The following PIEZO2 variants were observed in gnomAD, a reference collection of about 807,000 sequenced individuals.
PIEZO2 encodes the protein piezo-type mechanosensitive ion channel component 2.
Under a neutral mutation model 337.3 loss-of-function variants are expected in PIEZO2, and 172 were observed. That is an observed-to-expected ratio of 0.51 (90% CI 0.45 to 0.58). PIEZO2 has a LOEUF of 0.58. Among genes scored for constraint, PIEZO2 ranks in the 20% least tolerant of loss-of-function variants. The pLI is 0.00. For synonymous variants in PIEZO2, 1,251 were observed against 1,228.5 expected (o/e 1.02, Z -0.38); for missense variants, 3,028 against 3,391.3 (o/e 0.89, Z 2.66).
intron 1 of PIEZO2, among the ~76,000 whole-genome samples, chr18:11,090,434 A>C (rs1271446760): frequency 1.3e-5 from 2 of 152,240 alleles, no homozygotes; most frequent in East Asian, 3.8e-4. Context: ...TGCAGGATGC[A>C]CCAAATTTGA....
chr18:10,671,677 A>G lies in PIEZO2; in HGVS notation c.8448T>C (p.Asn2816=). 1.2e-6 allele frequency: 2 copies of G among 1,614,060 alleles called. No homozygotes were observed. Among genetic ancestry groups the G allele is most frequent in the Non-Finnish European group, 1.7e-6 (2 of 1,179,984 alleles). Residue 2816 remains asparagine (N), a synonymous_variant, in exon 56 of 56, where the codon AAT becomes AAC. Coordinates refer to ENST00000674853, the MANE Select transcript of PIEZO2 (RefSeq NM_001378183.1). ...SHSIMFEELP[N]VDRILKLCTD... ...TGCACAACTTCAAAATTCGATCCAC[A>G]TTTGGAAGCTCTTCAAACATGATGG...
chr18:10,697,890 A>G lies in PIEZO2; in HGVS notation c.6695-10T>C. 6.2e-7 allele frequency: 1 copy of G among 1,602,890 alleles called. No individual in the cohort carries two copies. Among genetic ancestry groups the G allele is most frequent in the Non-Finnish European group, 8.5e-7 (1 of 1,173,264 alleles). On this transcript the variant is annotated splice_polypyrimidine_tract_variant and intron_variant, in intron 44 of 55. Coordinates refer to ENST00000674853, the MANE Select transcript of PIEZO2 (RefSeq NM_001378183.1). ...CGGGTGCTTGTGCTGCCTAGAAATA[A>G]AAAGAGATCATAAGATGGGTGGTGG...
In PIEZO2 at chr18:11,071,175, C is replaced by T. The variant is rs559784370; in HGVS notation, c.65-4953G>A. ...TTGTTGCTTTCTACACCACTCCCCACATCCCAACCTCCTTTCTTAAAGGTT... is the reference window on the plus strand; with the variant it reads ...TTGTTGCTTTCTACACCACTCCCCATATCCCAACCTCCTTTCTTAAAGGTT... On this transcript the variant is annotated intron_variant, in intron 1 of 55. Coordinates refer to ENST00000674853, the MANE Select transcript of PIEZO2 (RefSeq NM_001378183.1). Among the ~76,000 whole-genome samples the T allele has an allele frequency of 9.8e-4, 150 of 152,344 alleles. 4 individuals carry two copies. The highest frequency in any genetic ancestry group is 9.3e-3 in the Admixed American group (142 of 15,302).
chr18:10,791,707 T>C (rs1568062384), intron 13 of PIEZO2: 1 of 154,768 alleles, frequency 6.5e-6, no homozygotes, highest in African/African-American at 2.4e-5. Flanking sequence ...ACTTCTTGCA[T>C]AATACTCCCT....
At chr18:10,777,267 T>C (rs1266680292) in intron 18 of PIEZO2, among the ~76,000 whole-genome samples, 1 of 152,252 alleles carries the variant, frequency 6.6e-6, no homozygotes, top group African/African-American at 2.4e-5. Flanking sequence ...TTTCATGTTC[T>C]AACGGAGCAG....
rs1447094879 is a variant in PIEZO2 at position 10,767,336 on chromosome 18, T to C, written c.2946+2812A>G. Among the ~76,000 whole-genome samples, 1 of 152,168 alleles carries C rather than the reference T, an allele frequency of 6.6e-6. No homozygotes were observed. Among genetic ancestry groups the C allele is most frequent in the Admixed American group, 6.5e-5 (1 of 15,282 alleles). ...TGATGCTAACTTTGAAAAGGTTTAA[T>C]ATTTGCAGGAGAGATGAACCCAAAA... On this transcript the variant is annotated intron_variant, in intron 21 of 55. Coordinates refer to ENST00000674853, the MANE Select transcript of PIEZO2 (RefSeq NM_001378183.1). This position sits in a 1 kb window ranked among gnomAD's most constrained non-coding sequence, Gnocchi z 4.2.
rs537816206 is a variant in PIEZO2 at position 11,115,290 on chromosome 18, G to C, written c.64+33235C>G. On this transcript the variant is annotated intron_variant, in intron 1 of 55. Coordinates refer to ENST00000674853, the MANE Select transcript of PIEZO2 (RefSeq NM_001378183.1). ...ATTGAGTTTTATACACAGTTGTTAA[G>C]TTTAAAATAGCCTACAAGAAAATGA... is the stretch of plus-strand genomic sequence containing the variant. Among the ~76,000 whole-genome samples the C allele has an allele frequency of 2.0e-5, 3 of 152,312 alleles. No homozygotes were observed. The East Asian group carries it at 5.8e-4, about 29-fold the overall frequency.
intron 4 of PIEZO2, among the ~76,000 whole-genome samples, chr18:10,891,043 G>A (rs1429555841): frequency 6.6e-6 from 1 of 152,130 alleles, no homozygotes; most frequent in African/African-American, 2.4e-5. Flanking sequence ...AACAGAAAGT[G>A]CATTGCTGGC....
chr18:11,135,057 T>A (rs1194145058), intron 1 of PIEZO2, among the ~76,000 whole-genome samples: 1 of 152,056 alleles, frequency 6.6e-6, no homozygotes, highest in South Asian at 2.1e-4. Flanking sequence ...AAAAAAATTT[T>A]TTTTCTTATG....
chr18:10,998,031 G>A (rs1358686674), intron 2 of PIEZO2, among the ~76,000 whole-genome samples: 1 of 152,154 alleles, frequency 6.6e-6, no homozygotes, highest in Non-Finnish European at 1.5e-5. Flanking sequence ...GTCACATTAT[G>A]TGTAGGGAGA....
chr18:10,986,941 TAAAC>T (rs1275117114), intron 2 of PIEZO2, among the ~76,000 whole-genome samples: 1 of 151,660 alleles, frequency 6.6e-6, no homozygotes, highest in Non-Finnish European at 1.5e-5. Flanking sequence ...CAGAAAAAAA[TAAAC>T]AAAACGACTT....
In PIEZO2 at chr18:10,855,157, A is replaced by G. The variant is rs1195048614; in HGVS notation, c.917+196T>C. Among the ~76,000 whole-genome samples the G allele has an allele frequency of 6.6e-6, 1 of 152,080 alleles. No homozygotes were observed. The highest frequency in any genetic ancestry group is 1.5e-5 in the Non-Finnish European group (1 of 68,020). ...AGCGGCATCTCCATCTGAAGAGACC[A>G]CTGTCTTCCTTCCAGACTGTGTCAT... is the stretch of plus-strand genomic sequence containing the variant. On this transcript the variant is annotated intron_variant, in intron 7 of 55. Transcript: ENST00000674853. This position sits in a 1 kb window ranked among gnomAD's most constrained non-coding sequence, Gnocchi z 4.9.
At chr18:10,901,443 C>T (rs1236986520) in intron 4 of PIEZO2, among the ~76,000 whole-genome samples, 1 of 151,878 alleles carries the variant, frequency 6.6e-6, no homozygotes. Context: ...CACACACACA[C>T]ACACACACAC....
In PIEZO2 at chr18:10,965,277, C is replaced by G. The variant is rs185985196; in HGVS notation, c.286+14258G>C. The stretch of plus-strand genomic sequence containing the variant: ...CAGAGAGCTCCAGTTTCTCCACATT[C>G]TTGTCAACACATGTTATTGCCACGC... On this transcript the variant is annotated intron_variant, in intron 3 of 55. Transcript: ENST00000674853. 3.0e-4 allele frequency among the ~76,000 whole-genome samples: 46 copies of G among 152,326 alleles called. No homozygotes were observed. In the East Asian group the frequency reaches 8.1e-3, roughly 27 times the overall value.
At chr18:10,701,907 T>C in intron 43 of PIEZO2, 82 bp downstream of exon 43, 1 of 1,262,338 alleles carries the variant, frequency 7.9e-7, no homozygotes, top group South Asian at 1.8e-5. Context: ...AATCCTGATG[T>C]CCAGGTTATC....
chr18:10,991,290 T>C (rs1358260000), intron 2 of PIEZO2, among the ~76,000 whole-genome samples: 4 of 151,876 alleles, frequency 2.6e-5, no homozygotes, highest in Admixed American at 2.0e-4. Context: ...TGCAGTTTTG[T>C]TACATAGGTA....
chr18:10,829,270 A>T (rs1427118295), intron 7 of PIEZO2, among the ~76,000 whole-genome samples: 1 of 150,560 alleles, frequency 6.6e-6, no homozygotes, highest in Non-Finnish European at 1.5e-5. Context: ...AAAAACCCTA[A>T]AAAAAAAAAC....
In PIEZO2 at chr18:11,127,368, T is replaced by C. The variant is rs1293403131; in HGVS notation, c.64+21157A>G. Among the ~76,000 whole-genome samples the C allele has an allele frequency of 6.6e-6, 1 of 152,206 alleles. No homozygotes were observed. The highest frequency in any genetic ancestry group is 1.5e-5 in the Non-Finnish European group (1 of 68,026). ...ATTGAAGGATACGATGTATTGATCC[T>C]GGGTGTGTCTGGGAGGGTGTTGCCA... On this transcript the variant is annotated intron_variant, in intron 1 of 55. Transcript: ENST00000674853. This position sits in a 1 kb window ranked among gnomAD's most constrained non-coding sequence, Gnocchi z 4.5.
chr18:11,054,285 G>A (rs774522649), intron 2 of PIEZO2, among the ~76,000 whole-genome samples: 1 of 152,106 alleles, frequency 6.6e-6, no homozygotes. Context: ...TCATGATCCT[G>A]CAATCCTAAT....
Sources: gnomAD v4.1 joint callset for allele counts (sites outside exome capture counted in the v4.1 genomes callset) on GRCh38, gnomAD v4.1.1 for gene constraint, Gnocchi (gnomAD v3.1) non-coding constraint, MANE v1.5 for transcripts, NCBI Gene and HGNC (gene_info 2026-07-23, HGNC 2026-07-21) for gene names.